FARP1: variants seen among roughly 807,000 people sequenced by gnomAD.
FARP1 encodes the protein FERM, ARHGEF and pleckstrin domain-containing protein 1.
FARP1 carries 52 observed loss-of-function variants against 128.8 expected under a neutral mutation model. The observed-to-expected ratio is 0.40, with a 90% confidence interval of 0.32 to 0.51. FARP1 has a LOEUF of 0.51. FARP1 is among the 20% of genes least tolerant of loss of function. The probability of loss-of-function intolerance (pLI) is 0.45; values close to 1 mark genes in which losing one functional copy is unlikely to be tolerated. For missense variants in FARP1, 1,333 were observed against 1,367.9 expected (o/e 0.97, Z 0.40); for synonymous variants, 580 against 551.8 (o/e 1.05, Z -0.72).
chr13:98,395,577 C>T (rs1371695795), intron 13 of FARP1, 101 bp downstream of exon 13: 9 of 1,376,572 alleles, frequency 6.5e-6, no homozygotes, highest in Non-Finnish European at 8.8e-6. Context: ...AACAAGCGTC[C>T]CGATCCCGGT....
intron 5 of FARP1, 35 bp from the exon 6 acceptor site, chr13:98,377,786 C>A (rs762740150): frequency 6.4e-7 from 1 of 1,559,418 alleles, no homozygotes; most frequent in Non-Finnish European, 8.8e-7. Flanking sequence ...CTCCTGCCCT[C>A]TTTGCCTGAC....
chr13:98,368,007 T>G (rs1052837626), intron 4 of FARP1, 110 bp from the exon 5 acceptor site: 13 of 802,948 alleles, frequency 1.6e-5, no homozygotes, highest in Non-Finnish European at 2.6e-5. Flanking sequence ...AGATGTGCAC[T>G]TGGCAGCTTG....
At chr13:98,423,592 C>T (rs912388451) in intron 16 of FARP1, among the ~76,000 whole-genome samples, 4 of 152,160 alleles carry the variant, frequency 2.6e-5, no homozygotes, top group East Asian at 1.9e-4. Context: ...ACTGGCACAA[C>T]GGTTAGGCGT....
intron 1 of FARP1, among the ~76,000 whole-genome samples, chr13:98,189,346 T>G (rs1400815992): frequency 6.6e-6 from 1 of 152,168 alleles, no homozygotes; most frequent in African/African-American, 2.4e-5. Flanking sequence ...TAATGCATTC[T>G]TAAATAAATG....
chr13:98,324,418 T>C (rs1432161326), intron 2 of FARP1, among the ~76,000 whole-genome samples: 3 of 152,178 alleles, frequency 2.0e-5, no homozygotes, highest in Admixed American at 2.0e-4. Flanking sequence ...TTCAGTGTTT[T>C]CACATTTAAT....
chr13:98,428,430 T>G (rs1009068780), intron 17 of FARP1, among the ~76,000 whole-genome samples: 1 of 152,112 alleles, frequency 6.6e-6, no homozygotes, highest in African/African-American at 2.4e-5. Flanking sequence ...GCTCTCTGTT[T>G]TCTTCCTGCT....
chr13:98,295,476 C>T (rs1425585052), intron 2 of FARP1, among the ~76,000 whole-genome samples: 2 of 152,152 alleles, frequency 1.3e-5, no homozygotes, highest in Non-Finnish European at 2.9e-5. Context: ...ACTACCTCTG[C>T]TTATAAACTC....
intron 2 of FARP1, among the ~76,000 whole-genome samples, chr13:98,287,077 A>G (rs911907247): frequency 2.0e-5 from 3 of 152,168 alleles, no homozygotes; most frequent in Admixed American, 6.5e-5. Flanking sequence ...AGTTTCTGCT[A>G]TAGTCACTGT....
chr13:98,300,725 C>G (rs1340891030), intron 2 of FARP1, among the ~76,000 whole-genome samples: 1 of 152,164 alleles, frequency 6.6e-6, no homozygotes, highest in Non-Finnish European at 1.5e-5. Flanking sequence ...ATGAATATTA[C>G]TTGCTTTACC....
At chr13:98,189,587 T>C (rs1466245058) in intron 1 of FARP1, among the ~76,000 whole-genome samples, 1 of 152,186 alleles carries the variant, frequency 6.6e-6, no homozygotes, top group Admixed American at 6.5e-5. Context: ...GTTGTAGGAA[T>C]AGAAATTCCC....
chr13:98,330,994 T>C (rs1476896656), intron 2 of FARP1, among the ~76,000 whole-genome samples: 9 of 152,144 alleles, frequency 5.9e-5, no homozygotes, highest in Admixed American at 5.9e-4. Context: ...CTATCATCAG[T>C]TGGAATTAGT....
At chr13:98,442,564 G>A (rs913706432) in intron 24 of FARP1, among the ~76,000 whole-genome samples, 3 of 152,144 alleles carry the variant, frequency 2.0e-5, no homozygotes, top group Non-Finnish European at 4.4e-5. Context: ...TTCCCTCCCC[G>A]GGCCTCCTGA....
intron 2 of FARP1, among the ~76,000 whole-genome samples, chr13:98,280,504 G>T (rs774045098): frequency 1.3e-5 from 2 of 151,884 alleles, no homozygotes; most frequent in Admixed American, 6.6e-5. Flanking sequence ...CTCTCTGTCT[G>T]CTCCTGTCTG....
At chr13:98,348,375 G>A (rs188922674) in intron 3 of FARP1, among the ~76,000 whole-genome samples, 6 of 152,356 alleles carry the variant, frequency 3.9e-5, no homozygotes, top group Admixed American at 6.5e-5. Context: ...TCAAGACCCC[G>A]TGCTTATTAC....
In FARP1 at chr13:98,411,786, G is replaced by A. The variant is rs1891202549; in HGVS notation, c.1693-115G>A. The stretch of plus-strand genomic sequence containing the variant: ...GTGTTCCTGAAATGCCAAGAACCTC[G>A]CAGGAAAGCCCTGGCTCCTCCCAGT... On this transcript the variant is annotated intron_variant, in intron 15 of 26. Transcript: ENST00000319562. 11 of 1,127,708 alleles carry A rather than the reference G, an allele frequency of 9.8e-6. No homozygotes were observed. The East Asian group carries it at 1.7e-4, about 17-fold the overall frequency. The allele number at this position is 1,127,708 out of a possible 1,614,324, so 69.9% of individuals were successfully genotyped here.
chr13:98,241,465 C>T, intron 2 of FARP1, among the ~76,000 whole-genome samples: 1 of 152,166 alleles, frequency 6.6e-6, no homozygotes, highest in Admixed American at 6.5e-5. Flanking sequence ...CACATCTGGA[C>T]TAGAATGCAA....
Position 98,411,973 on chromosome 13 carries a change from G to T in FARP1, c.1765G>T (p.Glu589Ter). The change falls in exon 16 of 27, where the codon GAA becomes TAA. Residue 589 changes from glutamate (E) to a stop codon, truncating the protein, a stop_gained. Transcript: ENST00000319562. LOFTEE classifies it high-confidence loss of function. ...GAAAAGTCTCATATTCCCGAATTTT[G>T]AACCTTTGCACAAATTTCATACTAA... ...ALKSLIFPNF[E>*]PLHKFHTNFL... The T allele has an allele frequency of 6.2e-7, 1 of 1,614,064 alleles. No homozygotes were observed. Among genetic ancestry groups the T allele is most frequent in the Non-Finnish European group, 8.5e-7 (1 of 1,179,944 alleles).
At chr13:98,378,801 T>C (rs1201180793) in intron 6 of FARP1, among the ~76,000 whole-genome samples, 1 of 148,838 alleles carries the variant, frequency 6.7e-6, no homozygotes, top group Non-Finnish European at 1.5e-5. Flanking sequence ...ACTTATTAGA[T>C]AGATGTTTTC....
intron 2 of FARP1, among the ~76,000 whole-genome samples, chr13:98,214,043 C>T (rs1472717836): frequency 6.6e-6 from 1 of 152,154 alleles, no homozygotes; most frequent in Non-Finnish European, 1.5e-5. Flanking sequence ...GACAGAGCAG[C>T]CTGGGGGCCG....
Sources: allele counts gnomAD v4.1 joint callset (sites outside exome capture counted in the v4.1 genomes callset), GRCh38; gene constraint gnomAD v4.1.1; transcripts MANE v1.5; gene names NCBI Gene and HGNC (gene_info 2026-07-23, HGNC 2026-07-21).